The following CNTLN variants were observed in gnomAD, a reference collection of about 807,000 sequenced individuals.
The protein encoded by CNTLN is centlein, centrosomal protein.
A neutral mutation model predicts 180.0 loss-of-function variants in CNTLN; 212 were observed. The observed-to-expected ratio is 1.18, with a 90% CI of 1.05 to 1.32. CNTLN has a LOEUF of 1.32. Among genes scored for constraint, CNTLN ranks in the 40% most tolerant of loss-of-function variants. CNTLN has a pLI of 0.00. For synonymous variants in CNTLN, 722 were observed against 563.1 expected (o/e 1.28, Z -3.99); for missense variants, 2,095 against 1,610.9 (o/e 1.30, Z -5.14).
intron 5 of CNTLN, among the ~76,000 whole-genome samples, chr9:17,243,071 T>C (rs921919429): frequency 2.6e-5 from 4 of 152,188 alleles, no homozygotes; most frequent in Non-Finnish European, 5.9e-5. Flanking sequence ...GTAGGTTGTA[T>C]GTGTCTATGA....
chr9:17,364,929 C>A (rs10738475), intron 12 of CNTLN, among the ~76,000 whole-genome samples: 134,127 of 152,208 alleles, frequency 0.88, 59,396 homozygotes, highest in Non-Finnish European at 0.92. Context: ...CTGTCCCCAT[C>A]CTAGGGCTGG....
At chr9:17,288,248 C>A (rs539816167) in intron 6 of CNTLN, among the ~76,000 whole-genome samples, 60 of 119,232 alleles carry the variant, frequency 5.0e-4, no homozygotes, top group African/African-American at 2.2e-3. Context: ...TTTATTGCTG[C>A]CTTCATTTCA....
chr9:17,353,286 CT>C (rs36048699), intron 12 of CNTLN, among the ~76,000 whole-genome samples: 3,353 of 127,520 alleles, frequency 0.026, 84 homozygotes, highest in African/African-American at 0.072. Flanking sequence ...AACTGCCAAA[CT>C]TTTTTTTTTT....
chr9:17,385,995 A>G (rs1287263122), intron 13 of CNTLN, among the ~76,000 whole-genome samples: 1 of 152,186 alleles, frequency 6.6e-6, no homozygotes, highest in African/African-American at 2.4e-5. Context: ...TAAAAATAGC[A>G]ATATTCTTTA....
chr9:17,415,038 A>T (rs1190783292), intron 16 of CNTLN, among the ~76,000 whole-genome samples: 2 of 151,916 alleles, frequency 1.3e-5, no homozygotes, highest in African/African-American at 2.4e-5. Context: ...GTGAACTGAG[A>T]TTGTGCCACT....
chr9:17,421,035 A>G (rs1828683417), intron 18 of CNTLN, among the ~76,000 whole-genome samples: 1 of 152,150 alleles, frequency 6.6e-6, no homozygotes, highest in South Asian at 2.1e-4. Context: ...TGTATTCTGC[A>G]GCTGTTTGAT....
chr9:17,519,085 G>GTTATTTATTTATTTATTATTTAT, the CNTLN span, among the ~76,000 whole-genome samples: 1,701 of 151,220 alleles, frequency 0.011, 39 homozygotes, highest in African/African-American at 0.04. Context: ...ACCAGGCCTA[G>GTTATTTATTTATTTATTATTTAT]TTATTTATTT....
chr9:17,511,290 T>A, the CNTLN span, among the ~76,000 whole-genome samples: 2 of 152,208 alleles, frequency 1.3e-5, no homozygotes, highest in Non-Finnish European at 2.9e-5. Flanking sequence ...GCAATTATCA[T>A]GGGTTTTACA....
intron 2 of CNTLN, among the ~76,000 whole-genome samples, chr9:17,178,312 C>A (rs1820864147): frequency 6.6e-6 from 1 of 152,196 alleles, no homozygotes; most frequent in South Asian, 2.1e-4. Flanking sequence ...AAAGGTTCTC[C>A]AATTCCCCAC....
chr9:17,337,735 C>A (rs2133176047), intron 10 of CNTLN, among the ~76,000 whole-genome samples: 1 of 152,194 alleles, frequency 6.6e-6, no homozygotes, highest in South Asian at 2.1e-4. Flanking sequence ...ACTGAAAAAT[C>A]CTTAACATAG....
At chr9:17,343,205 A>G (rs1173164406) in intron 12 of CNTLN, among the ~76,000 whole-genome samples, 2 of 152,202 alleles carry the variant, frequency 1.3e-5, no homozygotes, top group African/African-American at 2.4e-5. Context: ...AAGAAAGAAC[A>G]TTTATTTATT....
intron 18 of CNTLN, among the ~76,000 whole-genome samples, chr9:17,442,184 T>C (rs1189961533): frequency 6.6e-6 from 1 of 152,138 alleles, no homozygotes; most frequent in Non-Finnish European, 1.5e-5. Flanking sequence ...AACAGATATG[T>C]AGAGAATACT....
chr9:17,298,802 C>A (rs1818136422), intron 7 of CNTLN: 1 of 985,946 alleles, frequency 1.0e-6, no homozygotes, highest in Non-Finnish European at 1.2e-6. Context: ...TCAATATTTT[C>A]CAGGATTTTT....
At chr9:17,273,098 T>C (rs1209204026) in intron 5 of CNTLN, among the ~76,000 whole-genome samples, 1 of 152,108 alleles carries the variant, frequency 6.6e-6, no homozygotes, top group African/African-American at 2.4e-5. Context: ...TTTAGATATA[T>C]ATTTAGTTCT....
At chr9:17,376,257 G>T (rs1215534653) in intron 13 of CNTLN, among the ~76,000 whole-genome samples, 2 of 151,956 alleles carry the variant, frequency 1.3e-5, no homozygotes, top group African/African-American at 4.8e-5. Context: ...GGTTTGCTAA[G>T]ACTTTATCCT....
At chr9:17,207,364 C>A (rs1301577666) in intron 2 of CNTLN, among the ~76,000 whole-genome samples, 1 of 152,096 alleles carries the variant, frequency 6.6e-6, no homozygotes, top group Non-Finnish European at 1.5e-5. Context: ...GGGGAGTGAA[C>A]CGTTTTGTCT....
intron 2 of CNTLN, among the ~76,000 whole-genome samples, chr9:17,173,657 C>T (rs1346837863): frequency 6.8e-6 from 1 of 146,404 alleles, no homozygotes; most frequent in African/African-American, 2.7e-5. Flanking sequence ...GCTTTCTTCT[C>T]ATCAAAACAA....
At chr9:17,403,603 T>C (rs909909373) in intron 15 of CNTLN, among the ~76,000 whole-genome samples, 1 of 151,544 alleles carries the variant, frequency 6.6e-6, no homozygotes, top group Admixed American at 6.6e-5. Flanking sequence ...TATTATATTT[T>C]TACCAATATT....
intron 2 of CNTLN, among the ~76,000 whole-genome samples, chr9:17,193,220 T>C (rs1821904384): frequency 6.6e-6 from 1 of 152,086 alleles, no homozygotes; most frequent in Non-Finnish European, 1.5e-5. Context: ...CCGCATGTCA[T>C]GTCCTCACAT....
Sources: gnomAD v4.1 joint callset for allele counts (sites outside exome capture counted in the v4.1 genomes callset) on GRCh38, gnomAD v4.1.1 for gene constraint, MANE v1.5 for transcripts, NCBI Gene and HGNC (gene_info 2026-07-23, HGNC 2026-07-21) for gene names.